The following DNAAF8 variants were observed in gnomAD, a reference collection of about 807,000 sequenced individuals.
DNAAF8 encodes dynein axonemal-associated protein 1.
In DNAAF8, 61 loss-of-function variants were observed where a neutral mutation model predicts 54.6. The observed-to-expected ratio is 1.12, with a 90% CI of 0.91 to 1.38. DNAAF8 has a LOEUF of 1.38. Ranked by LOEUF, DNAAF8 falls within the 40% of genes most tolerant of loss-of-function variation. The probability of loss-of-function intolerance (pLI) is 0.00; values close to 1 mark genes in which losing one functional copy is unlikely to be tolerated. For synonymous variants in DNAAF8, 320 were observed against 270.1 expected, an observed-to-expected ratio of 1.18 and a Z score of -1.81; for missense variants, 837 against 665.0, an observed-to-expected ratio of 1.26 and a Z score of -2.85.
chr16:4,739,204 A>G (rs1203397781), intron 3 of DNAAF8, among the ~76,000 whole-genome samples: 1 of 120,200 alleles, frequency 8.3e-6, no homozygotes, highest in Non-Finnish European at 1.8e-5. Context: ...ATGTGATTTT[A>G]TTTTGCTGCT....
rs35113323 is a variant in DNAAF8 at position 4,739,265 on chromosome 16, G to GTTTTTTTTTTTTTT, written c.277-880_277-867dup. ...AAACTCTTCTGGATGATTTTTTCTT[G>GTTTTTTTTTTTTTT]TTTTTTTTTTTTTTTTTTTTTGTAA... is the stretch of plus-strand genomic sequence containing the variant. On this transcript the variant is annotated intron_variant, in intron 3 of 9. Coordinates refer to ENST00000299320, the MANE Select transcript of DNAAF8 (RefSeq NM_139170.3). Among the ~76,000 whole-genome samples the GTTTTTTTTTTTTTT allele has an allele frequency of 5.0e-3, 346 of 69,024 alleles. 72 individuals carry two copies. The highest frequency in any genetic ancestry group is 6.2e-3 in the East Asian group (11 of 1,780). 45.3% of individuals were successfully genotyped at this position (69,024 alleles called of 152,430 possible). A position where few individuals can be genotyped will look rare whatever the true frequency, so the allele number is the denominator to read the frequency against.
At position 4,747,638 on chromosome 16, in the gene DNAAF8, G is replaced by C. The variant is rs770569697; in HGVS notation, c.*9+4G>C. 3.1e-6 allele frequency: 5 copies of C among 1,595,110 alleles called. No individual in the cohort carries two copies. The East Asian group carries it at 9.0e-5, about 29-fold the overall frequency. On this transcript the variant is annotated splice_donor_region_variant and intron_variant, in intron 9 of 9. Transcript: ENST00000299320. ...GGAGCAACTATAGCTGCCTCAGGTA[G>C]TGGGATCCCAGGAGTGGGCAGGGGC...
At chr16:4,738,619 A>G (rs994167665) in intron 3 of DNAAF8, among the ~76,000 whole-genome samples, 3 of 152,224 alleles carry the variant, frequency 2.0e-5, no homozygotes, top group Admixed American at 6.5e-5. Context: ...ACAGTGGCTC[A>G]CGCCTGTAAT....
At chr16:4,741,288 T>C (rs1199119116) in intron 4 of DNAAF8, among the ~76,000 whole-genome samples, 2 of 148,472 alleles carry the variant, frequency 1.3e-5, no homozygotes, top group Non-Finnish European at 3.0e-5. Flanking sequence ...AATGTATAAA[T>C]TTAAAAAGAG....
chr16:4,736,609 A>G lies in DNAAF8; in HGVS notation c.95A>G (p.Asp32Gly). ...GATGCCATCCTCAAGGCTGTCAAAG[A>G]CCAGCTCCCGTCTCTGGACTCAGAC... ...PWDAILKAVK[D>G]QLPSLDSDSP... The change falls in exon 2 of 10, where the codon GAC (aspartate) becomes GGC (glycine). Residue 32 changes from aspartate to glycine, a missense_variant. Physicochemically the swap from Asp to Gly is moderately conservative, Grantham distance 94. Transcript: ENST00000299320. The G allele has an allele frequency of 6.3e-7, 1 of 1,587,182 alleles. No homozygotes were observed. The highest frequency in any genetic ancestry group is 8.6e-7 in the Non-Finnish European group (1 of 1,165,262).
In DNAAF8 at chr16:4,739,265, G is replaced by GGTTTTTTTTTTTTTT. The variant is rs1555482695; in HGVS notation, c.277-888_277-887insGTTTTTTTTTTTTTT. 2.9e-4 allele frequency among the ~76,000 whole-genome samples: 20 copies of GGTTTTTTTTTTTTTT among 69,030 alleles called. 1 individual carries two copies. The highest frequency in any genetic ancestry group is 4.4e-4 in the Non-Finnish European group (17 of 38,442). The allele number at this position is 69,030 out of a possible 152,430, so 45.3% of individuals were successfully genotyped here. On this transcript the variant is annotated intron_variant, in intron 3 of 9. Coordinates refer to ENST00000299320, the MANE Select transcript of DNAAF8 (RefSeq NM_139170.3). ...AAACTCTTCTGGATGATTTTTTCTT[G>GGTTTTTTTTTTTTTT]TTTTTTTTTTTTTTTTTTTTTGTAA...
chr16:4,741,302 G>C (rs1026318351), intron 4 of DNAAF8, among the ~76,000 whole-genome samples: 1 of 150,566 alleles, frequency 6.6e-6, no homozygotes, highest in African/African-American at 2.4e-5. Context: ...AAAAGAGAGA[G>C]AAAAAAGGAA....
chr16:4,747,728 G>C (rs2082036537), intron 9 of DNAAF8, 94 bp downstream of exon 9: 2 of 1,400,594 alleles, frequency 1.4e-6, no homozygotes, highest in Non-Finnish European at 1.9e-6. Flanking sequence ...TCCACTAGCA[G>C]GGGCATTCCA....
rs1251402694 is a variant in DNAAF8, at chr16:4,740,489, A to C, written c.613A>C (p.Lys205Gln). ...NRRALRQERR[K>Q]MIETDILQKV... is the part of the protein sequence containing the mutation. ...CCGGGCCCTCCGACAGGAGAGAAGG[A>C]AGATGATAGAGACGGACATCCTCCA... Residue 205 changes from lysine (K) to glutamine (Q), a missense_variant, in exon 4 of 10, where the codon AAG becomes CAG. By Grantham distance (53) the Lys-to-Gln change is moderately conservative. Coordinates refer to ENST00000299320, the MANE Select transcript of DNAAF8 (RefSeq NM_139170.3). 1 of 1,613,950 alleles carries C rather than the reference A, an allele frequency of 6.2e-7. No homozygotes were observed. The highest frequency in any genetic ancestry group is 8.5e-7 in the Non-Finnish European group (1 of 1,180,004).
intron 4 of DNAAF8, among the ~76,000 whole-genome samples, chr16:4,741,670 C>T (rs189245715): frequency 2.0e-4 from 31 of 151,994 alleles, no homozygotes; most frequent in Non-Finnish European, 3.5e-4. Flanking sequence ...TGTGGTGGTG[C>T]GCGCCTGTAG....
At chr16:4,743,005 C>G in intron 4 of DNAAF8, 38 bp from the exon 5 acceptor site, 2 of 1,526,184 alleles carry the variant, frequency 1.3e-6, no homozygotes, top group Non-Finnish European at 1.8e-6. Flanking sequence ...TCTGGGACCC[C>G]TCAGCATCCT....
intron 9 of DNAAF8, among the ~76,000 whole-genome samples, chr16:4,748,084 T>A (rs2082040712): frequency 6.6e-6 from 1 of 152,182 alleles, no homozygotes; most frequent in Non-Finnish European, 1.5e-5. Flanking sequence ...GCTTCCTGCA[T>A]ACTTGCTATT....
intron 3 of DNAAF8, 111 bp from the exon 4 acceptor site, chr16:4,740,042 A>C (rs2081942574): frequency 1.5e-6 from 2 of 1,320,526 alleles, no homozygotes; most frequent in Non-Finnish European, 1.0e-6. Context: ...CTGGGCAACA[A>C]AGCGAGACTT....
chr16:4,744,479 T>C (rs1262331334), intron 5 of DNAAF8, among the ~76,000 whole-genome samples: 2 of 151,806 alleles, frequency 1.3e-5, no homozygotes, highest in Non-Finnish European at 2.9e-5. Flanking sequence ...GCATGTAATA[T>C]ACAAAGTGAA....
At position 4,746,404 on chromosome 16, in the gene DNAAF8, C is replaced by T; in HGVS notation, c.1073C>T (p.Ala358Val). Residue 358 changes from alanine (A) to valine (V), a missense_variant, in exon 7 of 10, where the codon GCT (alanine) becomes GTT (valine). By Grantham distance (64) the Ala-to-Val change is moderately conservative. Transcript: ENST00000299320. The part of the protein sequence containing the change: ...RCASRKQGSQ[A>V]GPGPQLAQGM... ...GCCTCAAGGAAGCAGGGCTCCCAGG[C>T]TGGGCCAGGCCCGCAGCTGGCCCAG... 6.2e-7 allele frequency: 1 copy of T among 1,613,094 alleles called. No homozygotes were observed. The highest frequency in any genetic ancestry group is 8.5e-7 in the Non-Finnish European group (1 of 1,179,570).
chr16:4,742,276 TG>T (rs2081968092), intron 4 of DNAAF8, among the ~76,000 whole-genome samples: 2 of 152,134 alleles, frequency 1.3e-5, no homozygotes, highest in Non-Finnish European at 2.9e-5. Flanking sequence ...AGGGTTTGGC[TG>T]GGCTCGGTGG....
At chr16:4,741,151 G>A (rs527384686) in intron 4 of DNAAF8, among the ~76,000 whole-genome samples, 1 of 150,430 alleles carries the variant, frequency 6.6e-6, no homozygotes, top group East Asian at 2.0e-4. Flanking sequence ...GGAGAATGGC[G>A]TGAACCTGGG....
At position 4,744,941 on chromosome 16, in the gene DNAAF8, G is replaced by C; in HGVS notation, c.973G>C (p.Ala325Pro). The change falls in exon 6 of 10, where the codon GCC (alanine) becomes CCC (proline). Residue 325 changes from alanine (A) to proline (P), a missense_variant. Transcript: ENST00000299320. ...CCTCCTGTGCACCACGCAGTCCAAG[G>C]CCTCTGCTTGTGCCCGGAAGGTGCC... ...LALLCTTQSK[A>P]SACARKVPAD... 1 of 1,613,876 alleles carries C rather than the reference G, an allele frequency of 6.2e-7. No individual in the cohort carries two copies. The highest frequency in any genetic ancestry group is 1.1e-5 in the South Asian group (1 of 91,090).
At chr16:4,739,212 G>T (rs2605573) in intron 3 of DNAAF8, among the ~76,000 whole-genome samples, 84,006 of 148,352 alleles carry the variant, frequency 0.57, 24,182 homozygotes, top group East Asian at 0.68. Flanking sequence ...TTATTTTGCT[G>T]CTTCATTTTT....
Sources: gnomAD v4.1 joint callset for allele counts (sites outside exome capture counted in the v4.1 genomes callset) on GRCh38, gnomAD v4.1.1 for gene constraint, MANE v1.5 for transcripts, NCBI Gene and HGNC (gene_info 2026-07-23, HGNC 2026-07-21) for gene names.